SLC22A23: variants seen among roughly 807,000 people sequenced by gnomAD.
SLC22A23 encodes the protein solute carrier family 22 member 23.
SLC22A23 carries 26 observed loss-of-function variants against 61.0 expected under a neutral mutation model. The observed-to-expected ratio is 0.43, with a 90% CI of 0.31 to 0.59. The LOEUF (loss-of-function observed/expected upper bound fraction) is 0.59. Ranked by LOEUF, SLC22A23 falls within the 20% of genes least tolerant of loss-of-function variation. The pLI is 0.11. For synonymous variants in SLC22A23, 430 were observed against 413.9 expected (o/e 1.04, Z -0.47); for missense variants, 796 against 934.7 (o/e 0.85, Z 1.94).
intron 4 of SLC22A23, among the ~76,000 whole-genome samples, chr6:3,320,972 T>C (rs1457738109): frequency 2.0e-5 from 3 of 152,182 alleles, no homozygotes; most frequent in Non-Finnish European, 4.4e-5. Flanking sequence ...ACAGGCACTG[T>C]TCTAAATGTC....
At chr6:3,397,308 T>A (rs943536841) in intron 3 of SLC22A23, among the ~76,000 whole-genome samples, 1 of 152,168 alleles carries the variant, frequency 6.6e-6, no homozygotes, top group African/African-American at 2.4e-5. Flanking sequence ...CACTCAGCAG[T>A]GAAAAAGTTC....
chr6:3,362,782 A>G (rs1192402630), intron 3 of SLC22A23, among the ~76,000 whole-genome samples: 1 of 152,172 alleles, frequency 6.6e-6, no homozygotes, highest in Admixed American at 6.5e-5. Context: ...GACCTCCAGG[A>G]CCCAGGAGAG....
At chr6:3,296,424 A>G (rs1761100836) in intron 5 of SLC22A23, among the ~76,000 whole-genome samples, 1 of 152,226 alleles carries the variant, frequency 6.6e-6, no homozygotes, top group Non-Finnish European at 1.5e-5. Context: ...CCGTTTCCTC[A>G]TCGGCAAACG....
chr6:3,362,419 AAATAAAAAATAAAAAAT>A (rs1409341733), intron 3 of SLC22A23, among the ~76,000 whole-genome samples: 1,709 of 56,406 alleles, frequency 0.03, 271 homozygotes, highest in African/African-American at 0.088. Flanking sequence ...AAAAAAAATA[AAATAAAAAATAAAAAAT>A]AAAAATTAGC....
In SLC22A23 at chr6:3,414,797, C is replaced by T. The variant is rs563653543; in HGVS notation, c.758+955G>A. ...GGGGAGACAGTTACACTACGCCTCTCTCCTGAGCAATCTCGCTACTTGAAA... is the reference window on the plus strand; with the variant it reads ...GGGGAGACAGTTACACTACGCCTCTTTCCTGAGCAATCTCGCTACTTGAAA... On this transcript the variant is annotated intron_variant, in intron 2 of 9. Coordinates refer to ENST00000406686, the MANE Select transcript of SLC22A23 (RefSeq NM_015482.2). The surrounding 1 kb of genome is among the most constrained non-coding windows in gnomAD (Gnocchi z 5.1). 7.2e-4 allele frequency among the ~76,000 whole-genome samples: 109 copies of T among 151,678 alleles called. No homozygotes were observed. The highest frequency in any genetic ancestry group is 2.6e-3 in the African/African-American group (106 of 41,406).
chr6:3,285,317 C>T (rs563059874), intron 7 of SLC22A23, among the ~76,000 whole-genome samples: 4 of 152,230 alleles, frequency 2.6e-5, no homozygotes, highest in Non-Finnish European at 4.4e-5. Context: ...GTTAGGAAGA[C>T]AGGAGTGAGA....
intron 1 of SLC22A23, among the ~76,000 whole-genome samples, chr6:3,447,935 C>T (rs1317347654): frequency 7.9e-6 from 1 of 126,606 alleles, no homozygotes; most frequent in Non-Finnish European, 1.6e-5. Flanking sequence ...TGGAGTCTCA[C>T]TCTGTTGCCC....
rs958458438 is a variant in SLC22A23 at position 3,333,528 on chromosome 6, AC to A, written c.914-9527del. On this transcript the variant is annotated intron_variant, in intron 3 of 9. Transcript: ENST00000406686. The surrounding 1 kb of genome is among the most constrained non-coding windows in gnomAD (Gnocchi z 4.1). The stretch of plus-strand genomic sequence containing the variant: ...GCTGCTCCTCTAACCCAGCAAGCAC[AC>A]CCCCCTTCTGGGCTGTGCACTCCCC... Among the ~76,000 whole-genome samples the A allele has an allele frequency of 6.6e-6, 1 of 150,656 alleles. No individual in the cohort carries two copies. Among genetic ancestry groups the A allele is most frequent in the South Asian group, 2.1e-4 (1 of 4,714 alleles).
At chr6:3,420,061 A>G (rs73720881) in intron 1 of SLC22A23, among the ~76,000 whole-genome samples, 3,824 of 152,280 alleles carry the variant, frequency 0.025, 158 homozygotes, top group African/African-American at 0.088. Context: ...CTAAAGTCAC[A>G]GCCTCATTTC....
intron 3 of SLC22A23, among the ~76,000 whole-genome samples, chr6:3,368,402 T>C (rs1765978901): frequency 6.6e-6 from 1 of 152,176 alleles, no homozygotes; most frequent in Non-Finnish European, 1.5e-5. Flanking sequence ...ACTCTATGCA[T>C]GTGTGCATGT....
At chr6:3,393,589 T>C (rs761852303) in intron 3 of SLC22A23, among the ~76,000 whole-genome samples, 16 of 152,200 alleles carry the variant, frequency 1.1e-4, no homozygotes, top group East Asian at 1.9e-4. Flanking sequence ...GTTTGCCTCA[T>C]AGGATGATGT....
chr6:3,293,755 A>C (rs1271542138), intron 5 of SLC22A23, among the ~76,000 whole-genome samples: 1 of 152,210 alleles, frequency 6.6e-6, no homozygotes, highest in Non-Finnish European at 1.5e-5. Context: ...TGGAACGTGG[A>C]GGTGGCCTGA....
intron 5 of SLC22A23, among the ~76,000 whole-genome samples, chr6:3,295,135 G>A (rs762101827): frequency 9.2e-5 from 14 of 152,268 alleles, no homozygotes; most frequent in Non-Finnish European, 1.6e-4. Context: ...CTCTACAGAC[G>A]GGCCCTGCCT....
chr6:3,418,459 C>A (rs1769887221), intron 1 of SLC22A23, among the ~76,000 whole-genome samples: 1 of 152,208 alleles, frequency 6.6e-6, no homozygotes, highest in Non-Finnish European at 1.5e-5. Flanking sequence ...CTTGGGCAGC[C>A]ATGACCCCAT....
intron 4 of SLC22A23, chr6:3,323,437 G>C: frequency 2.3e-6 from 1 of 426,722 alleles, no homozygotes; most frequent in Non-Finnish European, 4.6e-6. Flanking sequence ...AAGAGATAGG[G>C]GGACTTTTGT....
In SLC22A23 at chr6:3,328,092, CCAAA is replaced by C. The variant is rs1336770718; in HGVS notation, c.914-4094_914-4091del. On this transcript the variant is annotated intron_variant, in intron 3 of 9. Transcript: ENST00000406686. The surrounding 1 kb of genome is among the most constrained non-coding windows in gnomAD (Gnocchi z 5.0). ...GATCCTGTCTCTAAAAAACAACCAA[CCAAA>C]CAAACAACCGTTACTTTTCCCCTAA... Among the ~76,000 whole-genome samples, 3 of 151,774 alleles carry C rather than the reference CCAAA, an allele frequency of 2.0e-5. No individual in the cohort carries two copies. Among genetic ancestry groups the C allele is most frequent in the Admixed American group, 6.6e-5 (1 of 15,202 alleles).
chr6:3,281,568 G>GCTTTCT (rs1759476416), intron 9 of SLC22A23, among the ~76,000 whole-genome samples: 1 of 152,134 alleles, frequency 6.6e-6, no homozygotes, highest in Non-Finnish European at 1.5e-5. Context: ...AGTGTCACAG[G>GCTTTCT]GAAAGGCTAG....
chr6:3,286,950 C>T lies in SLC22A23; in HGVS notation c.1455G>A (p.Val485=), dbSNP rs142078855. The T allele has an allele frequency of 3.0e-5, 49 of 1,613,960 alleles. No homozygotes were observed. Among genetic ancestry groups the T allele is most frequent in the Non-Finnish European group, 4.2e-5 (49 of 1,180,036 alleles). The change falls in exon 7 of 10, where the codon GTG becomes GTA. Residue 485 remains valine, a synonymous_variant. Coordinates refer to ENST00000406686, the MANE Select transcript of SLC22A23 (RefSeq NM_015482.2). The surrounding 1 kb of genome is among the most constrained non-coding windows in gnomAD (Gnocchi z 4.2). Reference sequence around the variant, plus strand: ...CCCTGCGCCCGAGGAATCGGACCACCACGCACATGGCCAGGCAGGACACCA... The same window carrying T: ...CCCTGCGCCCGAGGAATCGGACCACTACGCACATGGCCAGGCAGGACACCA... ...IALVSCLAMC[V]VVRFLGRRGG...
intron 3 of SLC22A23, among the ~76,000 whole-genome samples, chr6:3,369,834 G>A (rs895016333): frequency 1.7e-4 from 26 of 152,196 alleles, no homozygotes; most frequent in Admixed American, 5.2e-4. Flanking sequence ...ATGTAAACAT[G>A]GCTTCAGTTT....
Sources: gnomAD v4.1 joint callset for allele counts (sites outside exome capture counted in the v4.1 genomes callset) on GRCh38, gnomAD v4.1.1 for gene constraint, Gnocchi (gnomAD v3.1) non-coding constraint, MANE v1.5 for transcripts, NCBI Gene and HGNC (gene_info 2026-07-23, HGNC 2026-07-21) for gene names.